The following CA5A variants were observed in gnomAD, a reference collection of about 807,000 sequenced individuals.
CA5A encodes the protein carbonic anhydrase 5A, mitochondrial.
CA5A carries 28 observed loss-of-function variants against 37.1 expected under a neutral mutation model. That is an observed-to-expected ratio of 0.75 (90% CI 0.56 to 1.03). The LOEUF (loss-of-function observed/expected upper bound fraction) is 1.03, where lower values mean the gene tolerates loss of function less well. Ranked by LOEUF, CA5A falls within the 50% of genes least tolerant of loss-of-function variation. The probability of loss-of-function intolerance (pLI) is 0.00; values close to 1 mark genes in which losing one functional copy is unlikely to be tolerated. For missense variants in CA5A, 444 were observed against 399.9 expected, an observed-to-expected ratio of 1.11 and a Z score of -0.94; for synonymous variants, 171 against 158.4, an observed-to-expected ratio of 1.08 and a Z score of -0.60.
At chr16:87,914,249 C>T (rs1255311205) in intron 2 of CA5A, among the ~76,000 whole-genome samples, 1 of 152,200 alleles carries the variant, frequency 6.6e-6, no homozygotes, top group Non-Finnish European at 1.5e-5. Context: ...TCACGGGTGA[C>T]CATGGTAGGC....
At chr16:87,916,722 G>C (rs1196918903) in intron 2 of CA5A, among the ~76,000 whole-genome samples, 1 of 152,202 alleles carries the variant, frequency 6.6e-6, no homozygotes, top group Non-Finnish European at 1.5e-5. Flanking sequence ...TCACTGTCTT[G>C]ATTGATCCTT....
At chr16:87,889,796 T>A (rs1296131804) in intron 6 of CA5A, among the ~76,000 whole-genome samples, 1 of 152,024 alleles carries the variant, frequency 6.6e-6, no homozygotes, top group Non-Finnish European at 1.5e-5. Context: ...AAATAAAAAA[T>A]AAAAAAAGAC....
At chr16:87,898,374 T>C (rs113799958) in intron 5 of CA5A, among the ~76,000 whole-genome samples, 13,185 of 152,264 alleles carry the variant, frequency 0.087, 695 homozygotes, top group Middle Eastern at 0.16. Flanking sequence ...GAGGCCACCA[T>C]GGCCCTGTCC....
At chr16:87,888,704 C>A (rs1016644686) in intron 6 of CA5A, among the ~76,000 whole-genome samples, 22 of 152,138 alleles carry the variant, frequency 1.4e-4, no homozygotes, top group African/African-American at 5.3e-4. Flanking sequence ...GCCAGAGCCA[C>A]CCAAATTCAC....
At chr16:87,897,050 G>A (rs1254478499) in intron 5 of CA5A, among the ~76,000 whole-genome samples, 1 of 152,244 alleles carries the variant, frequency 6.6e-6, no homozygotes, top group East Asian at 1.9e-4. Flanking sequence ...TTCCCCAGGT[G>A]TACGACAGGC....
At chr16:87,902,943 C>G (rs2055901798) in intron 3 of CA5A, among the ~76,000 whole-genome samples, 1 of 150,940 alleles carries the variant, frequency 6.6e-6, no homozygotes, top group Admixed American at 6.6e-5. Flanking sequence ...TAAGTTGTTG[C>G]AGCCAGATGA....
chr16:87,897,801 C>A (rs1311791984), intron 5 of CA5A, among the ~76,000 whole-genome samples: 2 of 152,132 alleles, frequency 1.3e-5, no homozygotes, highest in South Asian at 4.1e-4. Context: ...CCTGTGTGTG[C>A]AAGACAGATG....
At chr16:87,934,183 G>T (rs975420220) in intron 1 of CA5A, among the ~76,000 whole-genome samples, 2 of 152,218 alleles carry the variant, frequency 1.3e-5, no homozygotes, top group African/African-American at 4.8e-5. Context: ...GCCCCACCTC[G>T]GACCCTTCTC....
At chr16:87,902,781 G>A (rs1329343632) in intron 3 of CA5A, among the ~76,000 whole-genome samples, 2 of 151,702 alleles carry the variant, frequency 1.3e-5, no homozygotes, top group South Asian at 2.1e-4. Context: ...GCGTGGTGGC[G>A]GGAGCCTGTA....
At chr16:87,917,785 CATGTATACACAGT>C (rs2056174310) in intron 2 of CA5A, among the ~76,000 whole-genome samples, 2 of 144,452 alleles carry the variant, frequency 1.4e-5, no homozygotes, top group Non-Finnish European at 3.0e-5. Flanking sequence ...CACATGCACA[CATGTATACACAGT>C]GCACATGTGC....
chr16:87,893,651 C>T lies in CA5A; in HGVS notation c.619-1697G>A, dbSNP rs559660331. 9.7e-6 allele frequency: 6 copies of T among 619,152 alleles called. No homozygotes were observed. The East Asian group carries it at 2.7e-4, about 28-fold the overall frequency. 38.4% of individuals were successfully genotyped at this position (619,152 alleles called of 1,614,324 possible). A position where few individuals can be genotyped will look rare whatever the true frequency, so the allele number is the denominator to read the frequency against. On this transcript the variant is annotated intron_variant, in intron 5 of 6. Transcript: ENST00000649794. ...CGGAGTGCTGTGCCCCTGGTGCCGA[C>T]AAGATAGCCGAGGCTCGGGCTGGGT... is the stretch of plus-strand genomic sequence containing the variant.
intron 1 of CA5A, among the ~76,000 whole-genome samples, chr16:87,931,647 C>T (rs1199173412): frequency 3.3e-5 from 5 of 152,204 alleles, no homozygotes; most frequent in Non-Finnish European, 5.9e-5. Context: ...TGCCTTCCCA[C>T]GCATGATAGA....
At chr16:87,906,349 T>C (rs993428199) in intron 2 of CA5A, among the ~76,000 whole-genome samples, 1 of 152,120 alleles carries the variant, frequency 6.6e-6, no homozygotes, top group African/African-American at 2.4e-5. Context: ...GTACTTGGGC[T>C]GGGCGTGGTG....
intron 2 of CA5A, among the ~76,000 whole-genome samples, chr16:87,905,680 A>G (rs940738576): frequency 6.6e-6 from 1 of 152,232 alleles, no homozygotes; most frequent in Non-Finnish European, 1.5e-5. Flanking sequence ...TTAAATAAGA[A>G]GACCCTGAGC....
intron 1 of CA5A, among the ~76,000 whole-genome samples, chr16:87,929,638 C>A (rs987208769): frequency 7.9e-5 from 12 of 151,780 alleles, no homozygotes; most frequent in Admixed American, 7.2e-4. Context: ...TTTGGGAGGC[C>A]GAGGTGGGCG....
At chr16:87,930,520 C>T (rs1597590265) in intron 1 of CA5A, among the ~76,000 whole-genome samples, 1 of 152,236 alleles carries the variant, frequency 6.6e-6, no homozygotes, top group Admixed American at 6.5e-5. Context: ...CAGACCCAGG[C>T]GCCTGGCTTC....
At chr16:87,909,649 T>C (rs1345568122) in intron 2 of CA5A, among the ~76,000 whole-genome samples, 2 of 152,146 alleles carry the variant, frequency 1.3e-5, no homozygotes, top group Non-Finnish European at 2.9e-5. Context: ...TTCCACAGGC[T>C]CCTCTTCAGC....
In CA5A at chr16:87,894,290, G is replaced by A. The variant is rs1484555426; in HGVS notation, c.619-2336C>T. 3.3e-5 allele frequency among the ~76,000 whole-genome samples: 5 copies of A among 152,174 alleles called. No homozygotes were observed. The South Asian group carries it at 1.0e-3, about 32-fold the overall frequency. ...TCTGCACCTGCCCCTGGCCAGCACTGTGGGACAAGAGTCCAGTCCAAAGTG... is the reference window on the plus strand; with the variant it reads ...TCTGCACCTGCCCCTGGCCAGCACTATGGGACAAGAGTCCAGTCCAAAGTG... On this transcript the variant is annotated intron_variant, in intron 5 of 6. Coordinates refer to ENST00000649794, the MANE Select transcript of CA5A (RefSeq NM_001739.2).
intron 2 of CA5A, among the ~76,000 whole-genome samples, chr16:87,916,188 A>AC (rs36108347): frequency 6.6e-6 from 1 of 150,958 alleles, no homozygotes; most frequent in Non-Finnish European, 1.5e-5. Flanking sequence ...AAAACAAAAA[A>AC]CCATCGGATT....
Sources: allele counts gnomAD v4.1 joint callset (sites outside exome capture counted in the v4.1 genomes callset), GRCh38; gene constraint gnomAD v4.1.1; transcripts MANE v1.5; gene names NCBI Gene and HGNC (gene_info 2026-07-23, HGNC 2026-07-21).